SLC6A11: variants seen among roughly 807,000 people sequenced by gnomAD.
SLC6A11 encodes the protein solute carrier family 6 member 11.
Under a neutral mutation model 74.8 loss-of-function variants are expected in SLC6A11, and 25 were observed. That is an observed-to-expected ratio of 0.33 (90% CI 0.24 to 0.47). The LOEUF is 0.47. Ranked by LOEUF, SLC6A11 falls within the 20% of genes least tolerant of loss-of-function variation. The pLI is 1.00. For synonymous variants in SLC6A11, 330 were observed against 330.2 expected, an observed-to-expected ratio of 1.00 and a Z score of 0.01; for missense variants, 574 against 837.0, an observed-to-expected ratio of 0.69 and a Z score of 3.88.
intron 5 of SLC6A11, among the ~76,000 whole-genome samples, chr3:10,870,127 G>A (rs1250166085): frequency 6.6e-6 from 1 of 152,162 alleles, no homozygotes; most frequent in Non-Finnish European, 1.5e-5. Context: ...TCCAGCCCAT[G>A]TTCACAGACA....
intron 7 of SLC6A11, among the ~76,000 whole-genome samples, chr3:10,916,356 A>G (rs1347098261): frequency 6.6e-6 from 1 of 152,188 alleles, no homozygotes; most frequent in Non-Finnish European, 1.5e-5. Context: ...CTGCTATGTA[A>G]CAAACAACCC....
At chr3:10,935,334 G>A (rs888801793) in intron 13 of SLC6A11, 135 bp downstream of exon 13, 24 of 753,422 alleles carry the variant, frequency 3.2e-5, no homozygotes, top group Non-Finnish European at 6.6e-6. Context: ...ACTCCTCTCT[G>A]GCCAATGTTC....
chr3:10,938,802 T>A lies in SLC6A11; in HGVS notation c.*400T>A, dbSNP rs1207127069. 6.5e-6 allele frequency: 1 copy of A among 154,838 alleles called. No homozygotes were observed. The highest frequency in any genetic ancestry group is 2.4e-5 in the African/African-American group (1 of 41,550). The allele number at this position is 154,838 out of a possible 1,614,324, so 9.6% of individuals were successfully genotyped here. On this transcript the variant is annotated 3_prime_UTR_variant, in exon 14 of 14. Coordinates refer to ENST00000254488, the MANE Select transcript of SLC6A11 (RefSeq NM_014229.3). ...ATGACCGTTCTGTGTCCCATGTATG[T>A]CTCTGACCATCCACAGCCGCCCCTC...
chr3:10,840,826 T>G (rs966607077), intron 4 of SLC6A11, among the ~76,000 whole-genome samples: 1 of 152,316 alleles, frequency 6.6e-6, no homozygotes, highest in Non-Finnish European at 1.5e-5. Flanking sequence ...TCAGGTTCAC[T>G]GTCGTTGAAA....
intron 3 of SLC6A11, among the ~76,000 whole-genome samples, chr3:10,820,479 A>G (rs904851590): frequency 6.6e-6 from 1 of 152,172 alleles, no homozygotes; most frequent in African/African-American, 2.4e-5. Context: ...TCAATGACAC[A>G]TCCGTCCTGG....
At chr3:10,932,412 T>A (rs1270265308) in intron 10 of SLC6A11, among the ~76,000 whole-genome samples, 1 of 152,200 alleles carries the variant, frequency 6.6e-6, no homozygotes, top group Non-Finnish European at 1.5e-5. Context: ...GGATTTAACT[T>A]ACGTTTATCA....
chr3:10,914,904 C>G (rs145738607), intron 7 of SLC6A11, among the ~76,000 whole-genome samples: 1 of 152,168 alleles, frequency 6.6e-6, no homozygotes, highest in Non-Finnish European at 1.5e-5. Flanking sequence ...TCAGAGATCA[C>G]TTGGTCACTG....
At chr3:10,825,180 C>CACAAAAAA in intron 4 of SLC6A11, 1 of 120,852 alleles carries the variant, frequency 8.3e-6, no homozygotes, top group East Asian at 2.4e-4. Context: ...GAGACTGTCT[C>CACAAAAAA]AAAAAAAAAA....
At chr3:10,838,061 G>A (rs1361510811) in intron 4 of SLC6A11, among the ~76,000 whole-genome samples, 1 of 152,244 alleles carries the variant, frequency 6.6e-6, no homozygotes, top group Non-Finnish European at 1.5e-5. Flanking sequence ...GGCCCTGGCA[G>A]CACTTTCCTC....
At chr3:10,859,939 A>T (rs1694683621) in intron 5 of SLC6A11, among the ~76,000 whole-genome samples, 1 of 152,184 alleles carries the variant, frequency 6.6e-6, no homozygotes. Context: ...CTTCCAAAGG[A>T]ATTGGCAGAT....
At chr3:10,875,127 C>G in intron 6 of SLC6A11, 32 bp downstream of exon 6, 2 of 1,553,880 alleles carry the variant, frequency 1.3e-6, no homozygotes, top group African/African-American at 1.4e-5. Context: ...TGCAGCATCA[C>G]CCACCACCAC....
chr3:10,877,590 ACT>A (rs1330464257), intron 6 of SLC6A11, among the ~76,000 whole-genome samples: 2 of 152,020 alleles, frequency 1.3e-5, no homozygotes, highest in Non-Finnish European at 2.9e-5. Context: ...TGACTTCCAG[ACT>A]CTCAGAGGAA....
chr3:10,864,416 T>C (rs1694739683), intron 5 of SLC6A11, among the ~76,000 whole-genome samples: 1 of 151,724 alleles, frequency 6.6e-6, no homozygotes, highest in Non-Finnish European at 1.5e-5. Context: ...CGTGAGCCCC[T>C]AGCAACCATG....
intron 6 of SLC6A11, among the ~76,000 whole-genome samples, chr3:10,893,525 T>TGGTTTC (rs1408371700): frequency 2.0e-5 from 3 of 152,208 alleles, no homozygotes; most frequent in Admixed American, 1.3e-4. Flanking sequence ...ACGTTGGTTT[T>TGGTTTC]GGTTTCGGTT....
chr3:10,935,355 T>C lies in SLC6A11; in HGVS notation c.1746+156T>C, dbSNP rs1695747522. 8 of 658,128 alleles carry C rather than the reference T, an allele frequency of 1.2e-5. No individual in the cohort carries two copies. In the Admixed American group the frequency reaches 1.4e-4, roughly 11 times the overall value. The allele number at this position is 658,128 out of a possible 1,614,324, so 40.8% of individuals were successfully genotyped here. A position where few individuals can be genotyped will look rare whatever the true frequency, so the allele number is the denominator to read the frequency against. On this transcript the variant is annotated intron_variant, in intron 13 of 13. Coordinates refer to ENST00000254488, the MANE Select transcript of SLC6A11 (RefSeq NM_014229.3). ...CTCTGGCCAATGTTCAGTATCATGG[T>C]TGTGCCCAAGGTGTCTCTGTGAAGT... is the stretch of plus-strand genomic sequence containing the variant.
chr3:10,849,824 GA>G (rs1169309110), intron 5 of SLC6A11, among the ~76,000 whole-genome samples: 1 of 57,204 alleles, frequency 1.7e-5, no homozygotes, highest in Non-Finnish European at 3.7e-5. Context: ...AAAAAAAAAC[GA>G]AAAAAAACCC....
At chr3:10,933,442 C>T (rs533637070) in intron 11 of SLC6A11, among the ~76,000 whole-genome samples, 189 bp downstream of exon 11, 73 of 152,314 alleles carry the variant, frequency 4.8e-4, no homozygotes, top group African/African-American at 1.8e-3. Flanking sequence ...CCATGCAGCA[C>T]AGGAAGGGGT....
intron 3 of SLC6A11, among the ~76,000 whole-genome samples, chr3:10,821,488 G>A (rs1340137904): frequency 1.3e-5 from 2 of 152,148 alleles, no homozygotes; most frequent in South Asian, 2.1e-4. Flanking sequence ...GAGGAAAATG[G>A]GTAATCAAAT....
chr3:10,830,231 C>A (rs1490453287), intron 4 of SLC6A11, among the ~76,000 whole-genome samples: 1 of 152,038 alleles, frequency 6.6e-6, no homozygotes, highest in African/African-American at 2.4e-5. Flanking sequence ...TGCGGTTGGC[C>A]ATGGAGTGAG....
Sources: gnomAD v4.1 joint callset for allele counts (sites outside exome capture counted in the v4.1 genomes callset) on GRCh38, gnomAD v4.1.1 for gene constraint, MANE v1.5 for transcripts, NCBI Gene and HGNC (gene_info 2026-07-23, HGNC 2026-07-21) for gene names.